The following CCDC61 variants were observed in gnomAD, a reference collection of about 807,000 sequenced individuals.
CCDC61 encodes centrosomal protein CCDC61.
Under a neutral mutation model 63.0 loss-of-function variants are expected in CCDC61, and 55 were observed. That is an observed-to-expected ratio of 0.87 (90% CI 0.70 to 1.09). The LOEUF is 1.09. Among genes scored for constraint, CCDC61 ranks in the 50% least tolerant of loss-of-function variants. The probability of loss-of-function intolerance (pLI) is 0.00; values close to 1 mark genes in which losing one functional copy is unlikely to be tolerated. For synonymous variants in CCDC61, 270 were observed against 317.0 expected, an observed-to-expected ratio of 0.85 and a Z score of 1.58; for missense variants, 651 against 731.4, an observed-to-expected ratio of 0.89 and a Z score of 1.27.
intron 1 of CCDC61, chr19:45,999,904 G>T: frequency 2.5e-6 from 1 of 396,324 alleles, no homozygotes; most frequent in Non-Finnish European, 3.4e-6. Context: ...GTCATGGGTT[G>T]GTGAGGGCGG....
chr19:46,018,444 GGGGTGGGGCCA>G lies in CCDC61; in HGVS notation c.*64_*74del. 1 of 1,449,048 alleles carries G rather than the reference GGGGTGGGGCCA, an allele frequency of 6.9e-7. No individual in the cohort carries two copies. The highest frequency in any genetic ancestry group is 9.4e-7 in the Non-Finnish European group (1 of 1,058,380). 89.8% of individuals were successfully genotyped at this position (1,449,048 alleles called of 1,614,324 possible). On this transcript the variant is annotated 3_prime_UTR_variant, in exon 14 of 14. Transcript: ENST00000595358. The surrounding 1 kb of genome is among the most constrained non-coding windows in gnomAD (Gnocchi z 4.2). ...CACCCACTTGCTGGGTATGGTGTGG[GGGGTGGGGCCA>G]GGGTGGCCTCCAGCCCTGCCCAGTC... is the stretch of plus-strand genomic sequence containing the variant.
chr19:46,007,930 A>G (rs1257302448), intron 4 of CCDC61, among the ~76,000 whole-genome samples: 1 of 152,172 alleles, frequency 6.6e-6, no homozygotes, highest in Non-Finnish European at 1.5e-5. Flanking sequence ...GTGGTCCCCA[A>G]ATTGTTATAT....
At chr19:46,012,735 A>G (rs1358430726) in intron 5 of CCDC61, among the ~76,000 whole-genome samples, 1 of 152,086 alleles carries the variant, frequency 6.6e-6, no homozygotes, top group African/African-American at 2.4e-5. Flanking sequence ...TCCTGCCCCA[A>G]CCATGCTCCC....
At chr19:45,998,313 T>C (rs568619567) in intron 1 of CCDC61, among the ~76,000 whole-genome samples, 67 of 152,200 alleles carry the variant, frequency 4.4e-4, no homozygotes, top group Non-Finnish European at 7.4e-4. Flanking sequence ...ACCCCCAGAG[T>C]TTCTGCTTGT....
At chr19:46,005,192 T>C (rs1432796832) in intron 3 of CCDC61, among the ~76,000 whole-genome samples, 25 of 152,132 alleles carry the variant, frequency 1.6e-4, no homozygotes, top group Admixed American at 1.2e-3. Context: ...GTATTTTTAG[T>C]AGAGACGGGG....
At chr19:45,997,238 G>A (rs975433528) in intron 1 of CCDC61, among the ~76,000 whole-genome samples, 2 of 152,100 alleles carry the variant, frequency 1.3e-5, no homozygotes, top group Non-Finnish European at 2.9e-5. Context: ...TGTCTGTGTG[G>A]CTTCTTCCAC....
Position 46,016,554 on chromosome 19 carries a change from C to CT in CCDC61, c.1092-139dup, listed in dbSNP as rs536327173. The CT allele has an allele frequency of 7.1e-7, 1 of 1,413,320 alleles. No individual in the cohort carries two copies. The highest frequency in any genetic ancestry group is 1.3e-5 in the South Asian group (1 of 76,840). The allele number at this position is 1,413,320 out of a possible 1,614,324, so 87.5% of individuals were successfully genotyped here. On this transcript the variant is annotated intron_variant, in intron 9 of 13. Coordinates refer to ENST00000595358, the MANE Select transcript of CCDC61 (RefSeq NM_001267723.2). This position sits in a 1 kb window ranked among gnomAD's most constrained non-coding sequence, Gnocchi z 7.2. ...CCTTCCGTCCGTCCTACCTCCTCGT[C>CT]TGTGTTTCTGCGTGCTTTCCGCTCG...
At chr19:45,997,566 T>A (rs1968517125) in intron 1 of CCDC61, among the ~76,000 whole-genome samples, 1 of 152,004 alleles carries the variant, frequency 6.6e-6, no homozygotes, top group African/African-American at 2.4e-5. Flanking sequence ...AATTTTTACA[T>A]TTTTAGTAGA....
At position 46,016,890 on chromosome 19, in the gene CCDC61, G is replaced by A. The variant is rs1600656052; in HGVS notation, c.1231+57G>A. 1 of 1,497,160 alleles carries A rather than the reference G, an allele frequency of 6.7e-7. No homozygotes were observed. The highest frequency in any genetic ancestry group is 9.0e-7 in the Non-Finnish European group (1 of 1,114,226). The allele number at this position is 1,497,160 out of a possible 1,614,324, so 92.7% of individuals were successfully genotyped here. On this transcript the variant is annotated intron_variant, in intron 10 of 13. Transcript: ENST00000595358. The surrounding 1 kb of genome is among the most constrained non-coding windows in gnomAD (Gnocchi z 7.2). ...TAGGCGGGACTGGGCGGGGCTGGGC[G>A]GGCTGGGAGGCACTGGGCAGGGCGG... is the stretch of plus-strand genomic sequence containing the variant.
intron 1 of CCDC61, among the ~76,000 whole-genome samples, chr19:45,997,002 G>C (rs1000861953): frequency 6.6e-6 from 1 of 152,000 alleles, no homozygotes; most frequent in African/African-American, 2.4e-5. Flanking sequence ...CCATATCCAC[G>C]AGGCCCCAAC....
At chr19:46,002,457 C>G (rs1268973312) in intron 1 of CCDC61, among the ~76,000 whole-genome samples, 2 of 129,856 alleles carry the variant, frequency 1.5e-5, no homozygotes, top group South Asian at 2.4e-4. Flanking sequence ...TTTTTTTTAA[C>G]TGAGTCAGGG....
intron 5 of CCDC61, among the ~76,000 whole-genome samples, chr19:46,010,090 C>T (rs1246021233): frequency 6.6e-6 from 1 of 152,208 alleles, no homozygotes; most frequent in South Asian, 2.1e-4. Flanking sequence ...CTGTGCCAGG[C>T]ACACTGCCTG....
chr19:46,002,421 C>T (rs1319505470), intron 1 of CCDC61, among the ~76,000 whole-genome samples: 1 of 148,008 alleles, frequency 6.8e-6, no homozygotes, highest in East Asian at 2.0e-4. Flanking sequence ...TTTTTTTGGC[C>T]ATCATGTATT....
In CCDC61 at chr19:46,015,697, T is replaced by C. The variant is rs1341522526; in HGVS notation, c.845+270T>C. ...AAAGGGATCGTGCCCTAGGGTCTCC[T>C]GGTGCGAAAGGGTGCGGCGCAGCAG... On this transcript the variant is annotated intron_variant, in intron 7 of 13. Coordinates refer to ENST00000595358, the MANE Select transcript of CCDC61 (RefSeq NM_001267723.2). This position sits in a 1 kb window ranked among gnomAD's most constrained non-coding sequence, Gnocchi z 5.3. Among the ~76,000 whole-genome samples the C allele has an allele frequency of 2.0e-5, 3 of 152,132 alleles. No homozygotes were observed. The East Asian group carries it at 5.8e-4, about 30-fold the overall frequency.
intron 5 of CCDC61, among the ~76,000 whole-genome samples, chr19:46,011,867 A>G (rs1968834962): frequency 6.6e-6 from 1 of 152,072 alleles, no homozygotes. Flanking sequence ...CAATGGCGTG[A>G]TCTCTGCTCA....
chr19:46,017,434 C>A, intron 12 of CCDC61, 130 bp downstream of exon 12: 1 of 833,442 alleles, frequency 1.2e-6, no homozygotes, highest in South Asian at 1.8e-5. Context: ...GAGTGCGTCT[C>A]GCTCTTTCAG....
chr19:46,008,098 C>A (rs776761638), intron 4 of CCDC61, 42 bp from the exon 5 acceptor site: 3 of 1,553,102 alleles, frequency 1.9e-6, no homozygotes, highest in Non-Finnish European at 2.6e-6. Context: ...CAGGTGCATT[C>A]TTGGCCTCTG....
chr19:46,015,005 G>A lies in CCDC61; in HGVS notation c.552-44G>A. On this transcript the variant is annotated intron_variant, in intron 5 of 13. Transcript: ENST00000595358. This position sits in a 1 kb window ranked among gnomAD's most constrained non-coding sequence, Gnocchi z 5.3. ...CCACCCCCATGGAGTAGTGGGAATG[G>A]GGCCATGCCTCTCTCTCCAGCGCTC... 1 of 1,460,132 alleles carries A rather than the reference G, an allele frequency of 6.8e-7. No homozygotes were observed. Among genetic ancestry groups the A allele is most frequent in the Non-Finnish European group, 9.1e-7 (1 of 1,099,810 alleles). 90.4% of individuals were successfully genotyped at this position (1,460,132 alleles called of 1,614,324 possible).
chr19:46,001,942 T>G (rs1332802801), intron 1 of CCDC61, among the ~76,000 whole-genome samples: 1 of 152,184 alleles, frequency 6.6e-6, no homozygotes, highest in Non-Finnish European at 1.5e-5. Context: ...TTTTCTGATA[T>G]TAGATTTTAT....
Sources: allele counts gnomAD v4.1 joint callset (sites outside exome capture counted in the v4.1 genomes callset), GRCh38; gene constraint gnomAD v4.1.1; non-coding constraint Gnocchi (gnomAD v3.1); transcripts MANE v1.5; gene names NCBI Gene and HGNC (gene_info 2026-07-23, HGNC 2026-07-21).